Variants in DCP1A observed in about 807,000 individuals in gnomAD.
DCP1A encodes mRNA-decapping enzyme 1A.
A neutral mutation model predicts 58.0 loss-of-function variants in DCP1A; 20 were observed. The observed-to-expected ratio is 0.34, with a 90% CI of 0.24 to 0.50. The LOEUF is 0.50. Among genes scored for constraint, DCP1A ranks in the 20% least tolerant of loss-of-function variants. The pLI, the probability that DCP1A is intolerant of heterozygous loss-of-function variation, is 0.98. For synonymous variants in DCP1A, 285 were observed against 275.1 expected (o/e 1.04, Z -0.36); for missense variants, 613 against 712.2 (o/e 0.86, Z 1.59).
At chr3:53,345,045 T>C (rs1242913675) in intron 1 of DCP1A, 103 bp from the exon 2 acceptor site, 1 of 885,052 alleles carries the variant, frequency 1.1e-6, no homozygotes, top group Non-Finnish European at 1.8e-6. Flanking sequence ...ACTTGTTTCA[T>C]TTCATCTATT....
chr3:53,318,653 T>C (rs1553689545), intron 4 of DCP1A, among the ~76,000 whole-genome samples: 3 of 152,198 alleles, frequency 2.0e-5, no homozygotes, highest in Non-Finnish European at 4.4e-5. Flanking sequence ...GGCTGGCTTC[T>C]ACAGGCTAGC....
Position 53,283,799 on chromosome 3 carries a change from T to A in DCP1A, c.*3781A>T, listed in dbSNP as rs1275132538. The A allele has an allele frequency of 6.6e-6, 1 of 152,254 alleles. No homozygotes were observed. Among genetic ancestry groups the A allele is most frequent in the Admixed American group, 6.5e-5 (1 of 15,288 alleles). The allele number at this position is 152,254 out of a possible 1,614,324, so 9.4% of individuals were successfully genotyped here. Reference sequence around the variant, plus strand: ...TAAAAAGGAAACACAATTCTGCATTTTCCCCACTTTGAAGTGAATGATATT... The same window carrying A: ...TAAAAAGGAAACACAATTCTGCATTATCCCCACTTTGAAGTGAATGATATT... On this transcript the variant is annotated 3_prime_UTR_variant, in exon 10 of 10. Coordinates refer to ENST00000610213, the MANE Select transcript of DCP1A (RefSeq NM_018403.7).
At chr3:53,314,415 T>C (rs1437780731) in intron 4 of DCP1A, among the ~76,000 whole-genome samples, 1 of 152,228 alleles carries the variant, frequency 6.6e-6, no homozygotes, top group African/African-American at 2.4e-5. Context: ...ATGAGCTTCA[T>C]GGTAGACTGA....
rs868970351 is a variant in DCP1A, at chr3:53,310,892, T to C, written c.510+1349A>G. Among the ~76,000 whole-genome samples the C allele has an allele frequency of 2.0e-4, 30 of 152,372 alleles. 1 individual carries two copies. In the South Asian group the frequency reaches 3.3e-3, roughly 17 times the overall value. ...AGTTTATGGTGAACATGCCTATTTT[T>C]AGTCAGAAGAAACTATCTTTCAGAA... On this transcript the variant is annotated intron_variant, in intron 5 of 9. Transcript: ENST00000610213.
chr3:53,290,551 T>C (rs6787817), intron 8 of DCP1A: 9,787 of 620,550 alleles, frequency 0.016, 666 homozygotes, highest in African/African-American at 0.15. Context: ...CTGGGCTCCA[T>C]AGCTAACTCT....
Position 53,312,248 on chromosome 3 carries a change from T to C in DCP1A, c.503A>G (p.Tyr168Cys). The C allele has an allele frequency of 6.2e-7, 1 of 1,603,726 alleles. No individual in the cohort carries two copies. Among genetic ancestry groups the C allele is most frequent in the Non-Finnish European group, 8.5e-7 (1 of 1,175,538 alleles). ...LEMLSRAKDEYERNQMGDSNI... is the reference protein window; with the variant it reads ...LEMLSRAKDECERNQMGDSNI... ...GTACCCAGAGAGCCTCACCCTCTCA[T>C]ACTCATCCTTGGCTCTGCTCAGCAT... is the stretch of plus-strand genomic sequence containing the variant. Residue 168 changes from tyrosine (Y) to cysteine (C), a missense_variant, in exon 5 of 10, where the codon TAT becomes TGT. Coordinates refer to ENST00000610213, the MANE Select transcript of DCP1A (RefSeq NM_018403.7).
intron 5 of DCP1A, among the ~76,000 whole-genome samples, chr3:53,305,391 C>T (rs1707440179): frequency 6.6e-6 from 1 of 151,628 alleles, no homozygotes; most frequent in Non-Finnish European, 1.5e-5. Flanking sequence ...ACTCTGTTGC[C>T]CAGCCTGGAT....
intron 4 of DCP1A, among the ~76,000 whole-genome samples, chr3:53,312,681 A>G (rs556075561): frequency 2.3e-4 from 35 of 151,878 alleles, no homozygotes; most frequent in Admixed American, 2.3e-3. Flanking sequence ...TTTTTAGTAG[A>G]GATGGGGTTT....
At chr3:53,305,143 A>T (rs1158757722) in intron 5 of DCP1A, among the ~76,000 whole-genome samples, 1 of 152,202 alleles carries the variant, frequency 6.6e-6, no homozygotes, top group Non-Finnish European at 1.5e-5. Context: ...TCTTGCACTT[A>T]GCATAATGCC....
chr3:53,314,222 T>C (rs1421557287), intron 4 of DCP1A, among the ~76,000 whole-genome samples: 1 of 152,150 alleles, frequency 6.6e-6, no homozygotes, highest in Non-Finnish European at 1.5e-5. Flanking sequence ...CTAAAATTTA[T>C]TGTGATTCTC....
chr3:53,329,718 A>G (rs1553691094), intron 3 of DCP1A, among the ~76,000 whole-genome samples: 2 of 152,208 alleles, frequency 1.3e-5, no homozygotes, highest in African/African-American at 2.4e-5. Context: ...GAAAAACTCA[A>G]AAGGGCTTTG....
intron 4 of DCP1A, among the ~76,000 whole-genome samples, chr3:53,314,467 GTTTA>G (rs1291805929): frequency 2.6e-5 from 4 of 152,068 alleles, no homozygotes; most frequent in Admixed American, 6.6e-5. Context: ...AACATGAATT[GTTTA>G]TTTAATGCTC....
chr3:53,306,955 T>C (rs13069696), intron 5 of DCP1A, among the ~76,000 whole-genome samples: 1 of 110,398 alleles, frequency 9.1e-6, no homozygotes, highest in Non-Finnish European at 1.9e-5. Flanking sequence ...TTTTTTTTTG[T>C]GGACTGAGTC....
chr3:53,328,207 C>G (rs1708165078), intron 3 of DCP1A, among the ~76,000 whole-genome samples: 1 of 152,112 alleles, frequency 6.6e-6, no homozygotes, highest in African/African-American at 2.4e-5. Flanking sequence ...TGCCTGGATC[C>G]TCCAGCACAC....
intron 5 of DCP1A, among the ~76,000 whole-genome samples, chr3:53,311,187 G>A (rs1350640895): frequency 9.9e-5 from 15 of 152,240 alleles, no homozygotes; most frequent in Non-Finnish European, 1.8e-4. Context: ...TAGCAGAACT[G>A]TATGGGAAAC....
intron 6 of DCP1A, among the ~76,000 whole-genome samples, chr3:53,303,608 T>C (rs534994760): frequency 2.2e-4 from 33 of 152,292 alleles, no homozygotes; most frequent in East Asian, 2.1e-3. Context: ...GCCTGACTTA[T>C]GGAGGACATA....
At chr3:53,308,775 T>C (rs1553688353) in intron 5 of DCP1A, among the ~76,000 whole-genome samples, 1 of 151,802 alleles carries the variant, frequency 6.6e-6, no homozygotes, top group East Asian at 1.9e-4. Context: ...AAAAAAATTT[T>C]TTTTTGGTAG....
chr3:53,337,233 C>G (rs1386071778), intron 3 of DCP1A, among the ~76,000 whole-genome samples: 1 of 152,114 alleles, frequency 6.6e-6, no homozygotes, highest in African/African-American at 2.4e-5. Context: ...CTAGTAATGG[C>G]CCCTACAACA....
Position 53,292,755 on chromosome 3 carries a change from C to T in DCP1A, c.697G>A (p.Ala233Thr). ...FGTSLPKEQPAVVGLDSEEME... is the reference protein window; with the variant it reads ...FGTSLPKEQPTVVGLDSEEME... ...TCTTCTGAATCCAGACCCACAACTG[C>T]TGGTTGTTCCTTTGGCAAAGAGGTT... The change falls in exon 7 of 10, where the codon GCA becomes ACA. Residue 233 changes from alanine to threonine, a missense_variant. Physicochemically the swap from Ala to Thr is moderately conservative, Grantham distance 58. Around this residue, in one of 3 missense-constraint regions of DCP1A, gnomAD observed 498 missense variants for 556.7 expected, o/e 0.89. Coordinates refer to ENST00000610213, the MANE Select transcript of DCP1A (RefSeq NM_018403.7). 1 of 1,613,748 alleles carries T rather than the reference C, an allele frequency of 6.2e-7. No individual in the cohort carries two copies. The highest frequency in any genetic ancestry group is 8.5e-7 in the Non-Finnish European group (1 of 1,179,878).
Sources: allele counts gnomAD v4.1 joint callset (sites outside exome capture counted in the v4.1 genomes callset), GRCh38; gene constraint gnomAD v4.1.1; regional missense constraint gnomAD v4.1.1; transcripts MANE v1.5; gene names NCBI Gene and HGNC (gene_info 2026-07-23, HGNC 2026-07-21).